NAPA: variants seen among roughly 807,000 people sequenced by gnomAD.
The protein encoded by NAPA is NSF attachment protein alpha, also known as alpha-soluble NSF attachment protein.
A neutral mutation model predicts 48.0 loss-of-function variants in NAPA; 18 were observed. The observed-to-expected ratio is 0.38, with a 90% confidence interval of 0.26 to 0.56. NAPA has a LOEUF of 0.56. Ranked by LOEUF, NAPA falls within the 20% of genes least tolerant of loss-of-function variation. NAPA has a pLI of 0.77. For synonymous variants in NAPA, 152 were observed against 149.9 expected, an observed-to-expected ratio of 1.01 and a Z score of -0.10; for missense variants, 315 against 385.0, an observed-to-expected ratio of 0.82 and a Z score of 1.52.
intron 9 of NAPA, 39 bp downstream of exon 9, chr19:47,490,749 A>G: frequency 1.3e-6 from 2 of 1,587,192 alleles, no homozygotes; most frequent in South Asian, 1.1e-5. Context: ...CCCCCGTCTG[A>G]GGTTCGGGAA....
chr19:47,498,636 C>T (rs1464085262), intron 3 of NAPA, among the ~76,000 whole-genome samples: 1 of 152,162 alleles, frequency 6.6e-6, no homozygotes, highest in Non-Finnish European at 1.5e-5. Flanking sequence ...CCAGACTGGT[C>T]TTGAACTCCT....
rs1369868763 is a variant in NAPA, at chr19:47,500,755, A to G, written c.179-6T>C. ...GCAGAACGCGTTTCCAGCAGCTGGA[A>G]CAGAAGAGAAGGGCAGTCCTGGCCT... is the stretch of plus-strand genomic sequence containing the variant. On this transcript the variant is annotated splice_polypyrimidine_tract_variant and splice_region_variant and intron_variant, in intron 2 of 10. Transcript: ENST00000263354. 6.3e-7 allele frequency: 1 copy of G among 1,599,632 alleles called. No homozygotes were observed. The highest frequency in any genetic ancestry group is 8.5e-7 in the Non-Finnish European group (1 of 1,172,388).
At chr19:47,508,644 G>A (rs901333457) in intron 1 of NAPA, among the ~76,000 whole-genome samples, 2 of 151,994 alleles carry the variant, frequency 1.3e-5, no homozygotes, top group African/African-American at 2.4e-5. Context: ...CTAAGTGTTC[G>A]ACCTGGGGCT....
chr19:47,491,948 G>T, intron 8 of NAPA, 67 bp downstream of exon 8: 1 of 1,441,720 alleles, frequency 6.9e-7, no homozygotes. Flanking sequence ...GGGGGCAACG[G>T]GACCTGGCCT....
At chr19:47,502,084 T>C (rs369957735) in intron 2 of NAPA, among the ~76,000 whole-genome samples, 10 of 151,258 alleles carry the variant, frequency 6.6e-5, no homozygotes, top group African/African-American at 1.7e-4. Context: ...CTACTAAAAA[T>C]ACAAAAATAA....
In NAPA at chr19:47,493,390, C is replaced by T; in HGVS notation, c.420+26G>A. 6.2e-7 allele frequency: 1 copy of T among 1,611,798 alleles called. No individual in the cohort carries two copies. The highest frequency in any genetic ancestry group is 8.5e-7 in the Non-Finnish European group (1 of 1,178,106). Reference sequence around the variant, plus strand: ...AGCAGCACTGGTCCTGGCTGCCAGCCCATGCAGGGCCCTGCTGCCACTCAC... The same window carrying T: ...AGCAGCACTGGTCCTGGCTGCCAGCTCATGCAGGGCCCTGCTGCCACTCAC... On this transcript the variant is annotated intron_variant, in intron 5 of 10. Transcript: ENST00000263354. This position sits in a 1 kb window ranked among gnomAD's most constrained non-coding sequence, Gnocchi z 6.4.
chr19:47,503,574 A>AGTGCCGGGCACAGAC, intron 1 of NAPA, 72 bp from the exon 2 acceptor site: 1 of 1,443,014 alleles, frequency 6.9e-7, no homozygotes, highest in Non-Finnish European at 9.7e-7. Flanking sequence ...ATTCTGCTCC[A>AGTGCCGGGCACAGAC]GTGCCGGGCA....
chr19:47,496,861 T>G (rs1968439110), intron 3 of NAPA: 2 of 452,888 alleles, frequency 4.4e-6, no homozygotes, highest in South Asian at 1.6e-5. Context: ...CTCTGGGGAG[T>G]GGGGTCTGTA....
Position 47,500,441 on chromosome 19 carries a change from C to T in NAPA, c.295+192G>A, listed in dbSNP as rs546890289. On this transcript the variant is annotated intron_variant, in intron 3 of 10. Transcript: ENST00000263354. Reference sequence around the variant, plus strand: ...TAGGGGGGCGGAGACTTGAGCAGGGCGCGAATGCCAACTGGAAGGAAGAGA... The same window carrying T: ...TAGGGGGGCGGAGACTTGAGCAGGGTGCGAATGCCAACTGGAAGGAAGAGA... Among the ~76,000 whole-genome samples, 5 of 152,292 alleles carry T rather than the reference C, an allele frequency of 3.3e-5. No homozygotes were observed. In the East Asian group the frequency reaches 7.7e-4, roughly 24 times the overall value.
intron 1 of NAPA, among the ~76,000 whole-genome samples, chr19:47,507,151 C>T (rs1188595956): frequency 2.0e-5 from 3 of 152,158 alleles, no homozygotes; most frequent in African/African-American, 7.2e-5. Context: ...TCCCATCCCA[C>T]GGCTCTGAGC....
intron 8 of NAPA, 59 bp from the exon 9 acceptor site, chr19:47,490,915 G>A: frequency 6.7e-7 from 1 of 1,489,614 alleles, no homozygotes. Context: ...AGAGCTACTG[G>A]CCTAGCAGCT....
At chr19:47,505,317 C>T (rs941237269) in intron 1 of NAPA, 1 of 152,218 alleles carries the variant, frequency 6.6e-6, no homozygotes, top group Non-Finnish European at 1.5e-5. Flanking sequence ...CACCCTGTGT[C>T]AACTGGCCCA....
chr19:47,502,932 CA>C (rs2122763639), intron 2 of NAPA, among the ~76,000 whole-genome samples: 1 of 152,352 alleles, frequency 6.6e-6, no homozygotes, highest in African/African-American at 2.4e-5. Context: ...AGCCAAGCCT[CA>C]GTTTCCAAAT....
chr19:47,497,961 G>A (rs966132263), intron 3 of NAPA, among the ~76,000 whole-genome samples: 1 of 152,210 alleles, frequency 6.6e-6, no homozygotes, highest in African/African-American at 2.4e-5. Flanking sequence ...AAGAGGCCTC[G>A]CTGGCCCGAG....
chr19:47,491,954 G>A, intron 8 of NAPA, 61 bp downstream of exon 8: 1 of 1,484,546 alleles, frequency 6.7e-7, no homozygotes, highest in Non-Finnish European at 9.4e-7. Flanking sequence ...AACGGGACCT[G>A]GCCTGGAGAT....
intron 3 of NAPA, among the ~76,000 whole-genome samples, chr19:47,499,962 G>A (rs1265943171): frequency 6.6e-6 from 1 of 152,150 alleles, no homozygotes; most frequent in African/African-American, 2.4e-5. Context: ...CCTGTACCTG[G>A]CACCAACATT....
chr19:47,492,286 T>C, intron 7 of NAPA, 167 bp from the exon 8 acceptor site: 1 of 605,722 alleles, frequency 1.7e-6, no homozygotes, highest in Non-Finnish European at 2.9e-6. Context: ...CTTGGAGAGG[T>C]CAGCGGCCAG....
intron 1 of NAPA, among the ~76,000 whole-genome samples, chr19:47,510,255 C>A (rs1035331793): frequency 2.0e-4 from 31 of 152,340 alleles, no homozygotes; most frequent in African/African-American, 7.5e-4. Flanking sequence ...TGGGCAGGCC[C>A]TGTACAGACA....
chr19:47,486,183 T>C (rs546050875), downstream of NAPA, among the ~76,000 whole-genome samples: 2 of 152,182 alleles, frequency 1.3e-5, no homozygotes, highest in African/African-American at 4.8e-5. Flanking sequence ...GGTGAAACGC[T>C]GTCTCTGCTA....
Sources: gnomAD v4.1 joint callset for allele counts (sites outside exome capture counted in the v4.1 genomes callset) on GRCh38, gnomAD v4.1.1 for gene constraint, Gnocchi (gnomAD v3.1) non-coding constraint, MANE v1.5 for transcripts, NCBI Gene and HGNC (gene_info 2026-07-23, HGNC 2026-07-21) for gene names.